Variants in HNMT observed in about 807,000 individuals in gnomAD.
HNMT encodes histamine N-methyltransferase.
In HNMT, 30 loss-of-function variants were observed where a neutral mutation model predicts 32.1. The ratio of observed to expected loss-of-function variants is 0.93; its 90% CI spans 0.70 to 1.27. HNMT has a LOEUF of 1.27. Ranked by LOEUF, HNMT falls within the 50% of genes most tolerant of loss-of-function variation. The pLI is 0.00. For missense variants in HNMT, 327 were observed against 346.0 expected (o/e 0.95, Z 0.43); for synonymous variants, 125 against 119.0 (o/e 1.05, Z -0.33).
At chr2:137,992,395 C>T (rs926770824) in intron 2 of HNMT, among the ~76,000 whole-genome samples, 14 of 152,328 alleles carry the variant, frequency 9.2e-5, no homozygotes, top group East Asian at 1.9e-4. Flanking sequence ...GGAGGCTGGA[C>T]GGCTTGGTCC....
At chr2:137,971,217 G>A (rs972829911) in intron 2 of HNMT, among the ~76,000 whole-genome samples, 15 of 150,856 alleles carry the variant, frequency 9.9e-5, no homozygotes, top group South Asian at 6.3e-4. Flanking sequence ...TCACTCTGTC[G>A]CCCAGGCTGA....
chr2:137,980,395 T>C (rs1680455256), intron 2 of HNMT, among the ~76,000 whole-genome samples: 1 of 152,174 alleles, frequency 6.6e-6, no homozygotes, highest in Admixed American at 6.5e-5. Context: ...ATGTTGTAGA[T>C]TAGCAGAGCT....
intron 2 of HNMT, chr2:137,981,196 C>T: frequency 6.2e-7 from 1 of 1,611,264 alleles, no homozygotes; most frequent in African/African-American, 1.3e-5. Context: ...TCTTTAATCC[C>T]CTATTTTCTT....
chr2:138,016,149 CT>C lies in HNMT; in HGVS notation c.*2020del, dbSNP rs1319606311. On this transcript the variant is annotated 3_prime_UTR_variant, in exon 6 of 6. Coordinates refer to ENST00000280097, the MANE Select transcript of HNMT (RefSeq NM_006895.3). The stretch of plus-strand genomic sequence containing the variant: ...TGTTCTTGTGTTTCAGAAAAAAGTG[CT>C]CAGCATGAATTTGGAATGTTGTTTT... 3 of 152,072 alleles carry C rather than the reference CT, an allele frequency of 2.0e-5. No homozygotes were observed. Among genetic ancestry groups the C allele is most frequent in the Non-Finnish European group, 4.4e-5 (3 of 67,996 alleles). The allele number at this position is 152,072 out of a possible 1,614,324, so 9.4% of individuals were successfully genotyped here.
In HNMT at chr2:137,964,536, T is replaced by C. The variant is rs538887122; in HGVS notation, c.45T>C (p.Tyr15=). The stretch of plus-strand genomic sequence containing the variant: ...GCTTGTTTTCTGACCACGGGAAATA[T>C]GTTGAATCTTTCCGGAGGTTTCTCA... ...MRSLFSDHGK[Y]VESFRRFLNH... is the part of the protein sequence containing the mutation. The change falls in exon 1 of 6, where the codon TAT becomes TAC. Residue 15 remains tyrosine, a synonymous_variant. Transcript: ENST00000280097. 24 of 1,613,788 alleles carry C rather than the reference T, an allele frequency of 1.5e-5. No homozygotes were observed. The East Asian group carries it at 2.7e-4, about 18-fold the overall frequency.
intron 2 of HNMT, among the ~76,000 whole-genome samples, chr2:137,970,932 AAAAAGAAAGAAAG>A (rs1304278163): frequency 4.3e-5 from 3 of 70,070 alleles, no homozygotes; most frequent in African/African-American, 1.3e-4. Context: ...AAAAAAAAAA[AAAAAGAAAGAAAG>A]AAAGAAAGAA....
At chr2:137,979,035 T>A (rs1318321611) in intron 2 of HNMT, among the ~76,000 whole-genome samples, 2 of 143,276 alleles carry the variant, frequency 1.4e-5, no homozygotes, top group Non-Finnish European at 3.0e-5. Context: ...TATATAGGCA[T>A]ACTATAATAG....
Position 137,970,207 on chromosome 2 carries a change from C to T in HNMT, c.180C>T (p.Gly60=), listed in dbSNP as rs529181997. 520 of 1,562,602 alleles carry T rather than the reference C, an allele frequency of 3.3e-4. 3 individuals are homozygous for T. In the South Asian group the frequency reaches 4.3e-3, roughly 13 times the overall value. Reference sequence around the variant, plus strand: ...CAGAAATTAAGATTCTAAGCATAGGCGGAGGTGCAGGTATGAGTAATATAT... The same window carrying T: ...CAGAAATTAAGATTCTAAGCATAGGTGGAGGTGCAGGTATGAGTAATATAT... ...TKSEIKILSI[G]GGAGEIDLQI... Residue 60 remains glycine (G), a synonymous_variant, in exon 2 of 6, where the codon GGC becomes GGT. Coordinates refer to ENST00000280097, the MANE Select transcript of HNMT (RefSeq NM_006895.3).
At chr2:138,008,222 T>C (rs970969370) in intron 5 of HNMT, among the ~76,000 whole-genome samples, 3 of 152,066 alleles carry the variant, frequency 2.0e-5, no homozygotes, top group Non-Finnish European at 2.9e-5. Context: ...CTCCCACTTA[T>C]AATTGAGAAC....
intron 2 of HNMT, among the ~76,000 whole-genome samples, chr2:137,993,854 G>A (rs554225064): frequency 3.9e-5 from 6 of 152,192 alleles, no homozygotes; most frequent in African/African-American, 1.2e-4. Context: ...GAAAAGATTG[G>A]GGGCCAATAT....
intron 2 of HNMT, among the ~76,000 whole-genome samples, chr2:137,974,717 C>G (rs2104932608): frequency 6.6e-6 from 1 of 152,308 alleles, no homozygotes; most frequent in South Asian, 2.1e-4. Context: ...CTTCCTACTT[C>G]TATTTTCATT....
intron 1 of HNMT, chr2:137,967,210 A>G: frequency 1.4e-6 from 1 of 721,316 alleles, no homozygotes; most frequent in Non-Finnish European, 2.6e-6. Context: ...TAGGAGTTTG[A>G]GACCAGCCTG....
At chr2:137,998,049 G>GAC (rs1681049243) in intron 2 of HNMT, among the ~76,000 whole-genome samples, 1 of 151,988 alleles carries the variant, frequency 6.6e-6, no homozygotes, top group South Asian at 2.1e-4. Context: ...GAACACAGAA[G>GAC]ACAGGTCAAT....
chr2:138,003,075 G>T lies in HNMT; in HGVS notation c.429+881G>T, dbSNP rs1335057587. Among the ~76,000 whole-genome samples the T allele has an allele frequency of 2.7e-5, 3 of 111,834 alleles. No individual in the cohort carries two copies. In the Admixed American group the frequency reaches 3.0e-4, roughly 11 times the overall value. The allele number at this position is 111,834 out of a possible 152,430, so 73.4% of individuals were successfully genotyped here. A position where few individuals can be genotyped will look rare whatever the true frequency, so the allele number is the denominator to read the frequency against. On this transcript the variant is annotated intron_variant, in intron 4 of 5. Transcript: ENST00000280097. Reference sequence around the variant, plus strand: ...CAGGAAAGGGAACATCACACTCTGGGGTCTGTTGTGGGGTGGGGGGAGGGG... The same window carrying T: ...CAGGAAAGGGAACATCACACTCTGGTGTCTGTTGTGGGGTGGGGGGAGGGG...
intron 2 of HNMT, among the ~76,000 whole-genome samples, chr2:137,986,669 G>T (rs1044438895): frequency 1.3e-5 from 2 of 151,926 alleles, no homozygotes; most frequent in Non-Finnish European, 2.9e-5. Context: ...TCACAGAAAG[G>T]TTTTCTAATT....
intron 2 of HNMT, among the ~76,000 whole-genome samples, chr2:137,982,566 T>G (rs1173612189): frequency 6.6e-6 from 1 of 152,192 alleles, no homozygotes; most frequent in Non-Finnish European, 1.5e-5. Flanking sequence ...TAATTCAGTT[T>G]TCATTAACTT....
intron 2 of HNMT, among the ~76,000 whole-genome samples, chr2:137,993,374 C>G (rs1030023371): frequency 5.3e-5 from 8 of 152,080 alleles, no homozygotes; most frequent in African/African-American, 9.7e-5. Flanking sequence ...CATGTTGGAG[C>G]TGAAAAACAC....
At chr2:137,964,649 G>A in intron 1 of HNMT, 21 bp downstream of exon 1, 1 of 1,613,254 alleles carries the variant, frequency 6.2e-7, no homozygotes, top group Non-Finnish European at 8.5e-7. Flanking sequence ...GGACGTTGTT[G>A]TCAAAGGGAC....
chr2:137,984,628 T>A (rs1330587856), intron 2 of HNMT, among the ~76,000 whole-genome samples: 1 of 152,202 alleles, frequency 6.6e-6, no homozygotes, highest in Non-Finnish European at 1.5e-5. Flanking sequence ...AGGCTTTGAT[T>A]TTTGATACTT....
Sources: allele counts gnomAD v4.1 joint callset (sites outside exome capture counted in the v4.1 genomes callset), GRCh38; gene constraint gnomAD v4.1.1; transcripts MANE v1.5; gene names NCBI Gene and HGNC (gene_info 2026-07-23, HGNC 2026-07-21).